Variants in TENM4 observed in about 807,000 individuals in gnomAD.
TENM4 encodes teneurin transmembrane protein 4, also known as teneurin-4.
Under a neutral mutation model 243.3 loss-of-function variants are expected in TENM4, and 82 were observed. The ratio of observed to expected loss-of-function variants is 0.34; its 90% CI spans 0.28 to 0.40. The LOEUF is 0.40. Among genes scored for constraint, TENM4 ranks in the 10% least tolerant of loss-of-function variants. The pLI, the probability that TENM4 is intolerant of heterozygous loss-of-function variation, is 1.00. For missense variants in TENM4, 3,138 were observed against 3,673.3 expected, an observed-to-expected ratio of 0.85 and a Z score of 3.77; for synonymous variants, 1,412 against 1,456.3, an observed-to-expected ratio of 0.97 and a Z score of 0.69.
intron 1 of TENM4, among the ~76,000 whole-genome samples, chr11:79,354,175 T>C (rs1427299489): frequency 6.6e-6 from 1 of 152,242 alleles, no homozygotes; most frequent in East Asian, 1.9e-4. Flanking sequence ...ACACTCTGCC[T>C]GGCACATAGT....
In TENM4 at chr11:78,936,624, C is replaced by T. The variant is rs149607445; in HGVS notation, c.494-33101G>A. ...CACTAGCTATGGGAAGTAGGAACTGCTCTTCCCATACTGAGGATAAGAAAA... is the reference window on the plus strand; with the variant it reads ...CACTAGCTATGGGAAGTAGGAACTGTTCTTCCCATACTGAGGATAAGAAAA... On this transcript the variant is annotated intron_variant, in intron 6 of 33. Transcript: ENST00000278550. Among the ~76,000 whole-genome samples, 631 of 152,312 alleles carry T rather than the reference C, an allele frequency of 4.1e-3. 5 individuals are homozygous for T. The highest frequency in any genetic ancestry group is 0.014 in the African/African-American group (599 of 41,560).
At chr11:79,333,929 TACC>T (rs899044063) in intron 1 of TENM4, among the ~76,000 whole-genome samples, 3 of 152,224 alleles carry the variant, frequency 2.0e-5, no homozygotes, top group Non-Finnish European at 4.4e-5. Flanking sequence ...TTCACACTTG[TACC>T]TGTTCAATTT....
At chr11:78,847,301 C>T (rs996903918) in intron 12 of TENM4, among the ~76,000 whole-genome samples, 10 of 152,318 alleles carry the variant, frequency 6.6e-5, no homozygotes, top group African/African-American at 2.4e-4. Context: ...ACTTTTTCTT[C>T]TTTCCTGCCC....
chr11:79,207,648 T>C (rs1863875644), intron 3 of TENM4, among the ~76,000 whole-genome samples: 1 of 151,916 alleles, frequency 6.6e-6, no homozygotes, highest in Non-Finnish European at 1.5e-5. Context: ...GTGGATTGCT[T>C]GAGCTCAGGA....
intron 22 of TENM4, among the ~76,000 whole-genome samples, chr11:78,727,848 TCTA>T (rs1178691201): frequency 2.6e-5 from 4 of 152,208 alleles, no homozygotes; most frequent in African/African-American, 9.7e-5. Flanking sequence ...TGGACAATAT[TCTA>T]CTACATGTTC....
At chr11:79,255,594 A>C (rs954346558) in intron 2 of TENM4, among the ~76,000 whole-genome samples, 2 of 152,238 alleles carry the variant, frequency 1.3e-5, no homozygotes, top group Non-Finnish European at 2.9e-5. Flanking sequence ...GCTCCTTACA[A>C]AAACACCTTT....
chr11:78,931,942 A>G (rs574614524), intron 6 of TENM4, among the ~76,000 whole-genome samples: 4 of 152,308 alleles, frequency 2.6e-5, no homozygotes, highest in Admixed American at 2.6e-4. Flanking sequence ...GCAGTGAGCC[A>G]TGATTGCACC....
intron 6 of TENM4, among the ~76,000 whole-genome samples, chr11:79,012,812 C>A (rs935730562): frequency 7.2e-5 from 11 of 152,212 alleles, no homozygotes; most frequent in African/African-American, 2.2e-4. Flanking sequence ...TTTCCCAGCT[C>A]CCCTGGCAGC....
At chr11:78,905,993 CTGCTGGCAGTAGT>C (rs1002359301) in intron 6 of TENM4, among the ~76,000 whole-genome samples, 104 of 152,238 alleles carry the variant, frequency 6.8e-4, no homozygotes, top group Admixed American at 2.0e-3. Flanking sequence ...GCCTTTCAGG[CTGCTGGCAGTAGT>C]TCACCAGAGC....
intron 6 of TENM4, among the ~76,000 whole-genome samples, chr11:78,950,010 A>G (rs1001675007): frequency 8.6e-5 from 13 of 151,928 alleles, no homozygotes; most frequent in Non-Finnish European, 1.6e-4. Flanking sequence ...GGGTGCATCA[A>G]TGGATGATGA....
In TENM4 at chr11:78,658,683, C is replaced by T. The variant is rs763860618; in HGVS notation, c.7685G>A (p.Ser2562Asn). 1 of 1,613,936 alleles carries T rather than the reference C, an allele frequency of 6.2e-7. No homozygotes were observed. The highest frequency in any genetic ancestry group is 1.7e-5 in the Admixed American group (1 of 60,014). Residue 2562 changes from serine (S) to asparagine (N), a missense_variant, in exon 34 of 34, where the codon AGC becomes AAC. By Grantham distance (46) the Ser-to-Asn change is conservative (BLOSUM62 1). This residue lies in a region of TENM4 where 2,467 missense variants were observed against 3,059.1 expected (regional missense o/e 0.81). Coordinates refer to ENST00000278550, the MANE Select transcript of TENM4 (RefSeq NM_001098816.3). ...GACCCCCTTGCCAAAGACTGAGCCG[C>T]TGGATGCAAACTTCTTGGTCTTTGG... ...QAPKTKKFAS[S>N]GSVFGKGVKF...
chr11:78,692,004 C>T (rs1053629139), intron 28 of TENM4, among the ~76,000 whole-genome samples: 1 of 152,114 alleles, frequency 6.6e-6, no homozygotes, highest in South Asian at 2.1e-4. Flanking sequence ...CCCTGTGAGC[C>T]ACCTCTACAG....
chr11:79,352,380 G>T (rs145155420), intron 1 of TENM4, among the ~76,000 whole-genome samples: 1 of 152,206 alleles, frequency 6.6e-6, no homozygotes, highest in African/African-American at 2.4e-5. Flanking sequence ...AGCCACAGAG[G>T]CTTTGGGTTC....
At chr11:79,296,091 A>G (rs1374349273) in intron 2 of TENM4, among the ~76,000 whole-genome samples, 2 of 152,212 alleles carry the variant, frequency 1.3e-5, no homozygotes, top group Non-Finnish European at 2.9e-5. Flanking sequence ...CACTGAGGTC[A>G]TTCGTGCACC....
chr11:79,305,661 A>G (rs1328984002), intron 1 of TENM4, among the ~76,000 whole-genome samples: 3 of 152,260 alleles, frequency 2.0e-5, no homozygotes, highest in Non-Finnish European at 4.4e-5. Context: ...CTCAGGGGCC[A>G]GCTTCTAGCA....
At chr11:79,192,147 G>A (rs1480494140) in intron 3 of TENM4, among the ~76,000 whole-genome samples, 3 of 151,238 alleles carry the variant, frequency 2.0e-5, no homozygotes, top group Non-Finnish European at 3.0e-5. Flanking sequence ...GGAGGTGGGG[G>A]GGTCAGCCCC....
chr11:79,071,733 C>T (rs1860419624), intron 4 of TENM4, among the ~76,000 whole-genome samples: 1 of 152,074 alleles, frequency 6.6e-6, no homozygotes, highest in Non-Finnish European at 1.5e-5. Flanking sequence ...TTTATTGGTG[C>T]CTCACAATAA....
intron 12 of TENM4, among the ~76,000 whole-genome samples, chr11:78,849,524 T>TCCTCACA (rs1449842254): frequency 6.6e-6 from 1 of 152,164 alleles, no homozygotes; most frequent in Non-Finnish European, 1.5e-5. Flanking sequence ...GAGGATTAAA[T>TCCTCACA]AACATAAAAA....
intron 4 of TENM4, among the ~76,000 whole-genome samples, chr11:79,113,820 G>A (rs1861562304): frequency 6.6e-6 from 1 of 152,186 alleles, no homozygotes; most frequent in Admixed American, 6.5e-5. Flanking sequence ...TAGGAGTGGA[G>A]AAGGACAGGC....
Sources: gnomAD v4.1 joint callset for allele counts (sites outside exome capture counted in the v4.1 genomes callset) on GRCh38, gnomAD v4.1.1 for gene constraint, gnomAD v4.1.1 regional missense constraint, MANE v1.5 for transcripts, NCBI Gene and HGNC (gene_info 2026-07-23, HGNC 2026-07-21) for gene names.